PTPN1: variants seen among roughly 807,000 people sequenced by gnomAD.
PTPN1 encodes protein tyrosine phosphatase non-receptor type 1, also known as tyrosine-protein phosphatase non-receptor type 1.
In PTPN1, 12 loss-of-function variants were observed where a neutral mutation model predicts 59.9. That is an observed-to-expected ratio of 0.20 (90% confidence interval 0.13 to 0.32). The LOEUF is 0.32. Among genes scored for constraint, PTPN1 ranks in the 10% least tolerant of loss-of-function variants. PTPN1 has a pLI of 1.00. For synonymous variants in PTPN1, 178 were observed against 203.6 expected (o/e 0.87, Z 1.07); for missense variants, 356 against 549.2 (o/e 0.65, Z 3.52).
At chr20:50,536,783 T>C (rs1372037330) in intron 1 of PTPN1, among the ~76,000 whole-genome samples, 1 of 152,226 alleles carries the variant, frequency 6.6e-6, no homozygotes, top group Non-Finnish European at 1.5e-5. Flanking sequence ...TCCTTGAGAT[T>C]TTATAAAATA....
Position 50,540,661 on chromosome 20 carries a change from A to G in PTPN1, c.64-20702A>G, listed in dbSNP as rs1483283391. Among the ~76,000 whole-genome samples, 5 of 152,314 alleles carry G rather than the reference A, an allele frequency of 3.3e-5. No homozygotes were observed. In the East Asian group the frequency reaches 9.7e-4, roughly 29 times the overall value. ...CCACCTATACTTTGGACTCAGGTAGAAAGGCAAAATATCCAGGAAATAAGC... is the reference window on the plus strand; with the variant it reads ...CCACCTATACTTTGGACTCAGGTAGGAAGGCAAAATATCCAGGAAATAAGC... On this transcript the variant is annotated intron_variant, in intron 1 of 9. Coordinates refer to ENST00000371621, the MANE Select transcript of PTPN1 (RefSeq NM_002827.4).
rs746039629 is a variant in PTPN1 at position 50,565,002 on chromosome 20, A to T, written c.188A>T (p.Asp63Val). 1.9e-6 allele frequency: 3 copies of T among 1,613,732 alleles called. No individual in the cohort carries two copies. Among genetic ancestry groups the T allele is most frequent in the Non-Finnish European group, 2.5e-6 (3 of 1,179,926 alleles). The change falls in exon 3 of 10, where the codon GAT becomes GTT. Residue 63 changes from aspartate to valine, a missense_variant. Coordinates refer to ENST00000371621, the MANE Select transcript of PTPN1 (RefSeq NM_002827.4). The part of the protein sequence containing the change: ...DHSRIKLHQE[D>V]NDYINASLIK... ...AGTCGGATTAAACTACATCAAGAAGATAATGACTATATCAACGCTAGTTTG... is the reference window on the plus strand; with the variant it reads ...AGTCGGATTAAACTACATCAAGAAGTTAATGACTATATCAACGCTAGTTTG...
chr20:50,584,633 G>A lies in PTPN1; in HGVS notation c.*1918G>A, dbSNP rs1057207. 5.3e-5 allele frequency: 8 copies of A among 150,092 alleles called. No homozygotes were observed. In the East Asian group the frequency reaches 8.0e-4, roughly 15 times the overall value. The allele number at this position is 150,092 out of a possible 1,614,324, so 9.3% of individuals were successfully genotyped here. A position where few individuals can be genotyped will look rare whatever the true frequency, so the allele number is the denominator to read the frequency against. ...TACGTGGCTGCATGACCGGGTGGGT[G>A]GGGGGGAGTGTCTCAGGGTCTTCTG... On this transcript the variant is annotated 3_prime_UTR_variant, in exon 10 of 10. Coordinates refer to ENST00000371621, the MANE Select transcript of PTPN1 (RefSeq NM_002827.4).
At chr20:50,523,154 G>A (rs2082558648) in intron 1 of PTPN1, among the ~76,000 whole-genome samples, 1 of 152,090 alleles carries the variant, frequency 6.6e-6, no homozygotes, top group African/African-American at 2.4e-5. Context: ...GGGAAGAAGA[G>A]GAAACGGGAG....
At chr20:50,575,433 C>G (rs771079650) in intron 5 of PTPN1, among the ~76,000 whole-genome samples, 1 of 152,140 alleles carries the variant, frequency 6.6e-6, no homozygotes, top group Non-Finnish European at 1.5e-5. Context: ...TCTGGGAGGT[C>G]CTATACGGGA....
chr20:50,550,376 AT>A (rs552179029), intron 1 of PTPN1, among the ~76,000 whole-genome samples: 24 of 152,302 alleles, frequency 1.6e-4, no homozygotes, highest in African/African-American at 5.8e-4. Flanking sequence ...TACCCTTGGA[AT>A]TTTTTATTCC....
chr20:50,515,229 A>G (rs1568771377), intron 1 of PTPN1, among the ~76,000 whole-genome samples: 2 of 152,180 alleles, frequency 1.3e-5, no homozygotes, highest in Admixed American at 6.5e-5. Context: ...TAGCCAGACA[A>G]GAAAGGGCAG....
chr20:50,543,322 A>T (rs1475532292), intron 1 of PTPN1, among the ~76,000 whole-genome samples: 1 of 152,254 alleles, frequency 6.6e-6, no homozygotes, highest in Non-Finnish European at 1.5e-5. Flanking sequence ...AGGTTTTAAA[A>T]ATTCCGTATA....
chr20:50,536,732 C>A (rs2082625510), intron 1 of PTPN1, among the ~76,000 whole-genome samples: 1 of 152,052 alleles, frequency 6.6e-6, no homozygotes, highest in Non-Finnish European at 1.5e-5. Flanking sequence ...ACTTAGAATC[C>A]TGTAATTTGT....
chr20:50,545,743 C>T (rs1035986814), intron 1 of PTPN1, among the ~76,000 whole-genome samples: 17 of 152,004 alleles, frequency 1.1e-4, no homozygotes, highest in African/African-American at 3.6e-4. Context: ...TGGCTGAGCT[C>T]GGTGGCTCAC....
intron 1 of PTPN1, among the ~76,000 whole-genome samples, chr20:50,546,901 C>T (rs1015762705): frequency 1.2e-4 from 19 of 152,174 alleles, no homozygotes; most frequent in African/African-American, 3.6e-4. Context: ...CACTGTCCTC[C>T]GGCAAACAGC....
At chr20:50,569,808 A>C (rs1285750214) in intron 4 of PTPN1, among the ~76,000 whole-genome samples, 2 of 152,132 alleles carry the variant, frequency 1.3e-5, no homozygotes, top group African/African-American at 4.8e-5. Context: ...TGTGTAGACC[A>C]TCCCATTTAG....
chr20:50,546,847 C>T (rs1245380628), intron 1 of PTPN1, among the ~76,000 whole-genome samples: 3 of 152,236 alleles, frequency 2.0e-5, no homozygotes, highest in African/African-American at 7.2e-5. Flanking sequence ...GAGCCTTCCA[C>T]TTGCAGATGT....
At chr20:50,576,631 G>A (rs1445309759) in intron 5 of PTPN1, among the ~76,000 whole-genome samples, 1 of 152,068 alleles carries the variant, frequency 6.6e-6, no homozygotes, top group Non-Finnish European at 1.5e-5. Flanking sequence ...CACTTTGAGG[G>A]GCTGAGGTGG....
chr20:50,566,737 C>T (rs114929386), intron 3 of PTPN1, among the ~76,000 whole-genome samples: 67 of 152,274 alleles, frequency 4.4e-4, no homozygotes, highest in African/African-American at 1.5e-3. Context: ...CGTGCAGTGT[C>T]AGCTAAGTGT....
chr20:50,525,145 C>T (rs2082568903), intron 1 of PTPN1, among the ~76,000 whole-genome samples: 1 of 152,014 alleles, frequency 6.6e-6, no homozygotes, highest in Admixed American at 6.5e-5. Flanking sequence ...CTGCAACCTC[C>T]GCCTCCCAGG....
At chr20:50,560,781 G>C (rs1389501784) in intron 1 of PTPN1, among the ~76,000 whole-genome samples, 2 of 152,000 alleles carry the variant, frequency 1.3e-5, no homozygotes, top group African/African-American at 4.8e-5. Context: ...ACAAATAAAA[G>C]ATTGTTTAAT....
In PTPN1 at chr20:50,579,824, C is replaced by G; in HGVS notation, c.986C>G (p.Pro329Arg). The change falls in exon 8 of 10, where the codon CCA becomes CGA. Residue 329 changes from proline to arginine, a missense_variant. Around this residue, in one of 3 missense-constraint regions of PTPN1, gnomAD observed 100 missense variants for 107.7 expected, o/e 0.93. Transcript: ENST00000371621. ...PHNGKCREFFPNHQWVKEETQ... is the reference protein window; with the variant it reads ...PHNGKCREFFRNHQWVKEETQ... ...AATGGGAAATGCAGGGAGTTCTTCCCAAATCACCAGTGGGTGAAGGAAGAG... is the reference window on the plus strand; with the variant it reads ...AATGGGAAATGCAGGGAGTTCTTCCGAAATCACCAGTGGGTGAAGGAAGAG... The G allele has an allele frequency of 6.2e-7, 1 of 1,614,138 alleles. No individual in the cohort carries two copies. The highest frequency in any genetic ancestry group is 1.1e-5 in the South Asian group (1 of 91,074).
At chr20:50,519,418 C>T (rs1486249293) in intron 1 of PTPN1, among the ~76,000 whole-genome samples, 2 of 152,174 alleles carry the variant, frequency 1.3e-5, no homozygotes, top group East Asian at 1.9e-4. Flanking sequence ...TTCCACTACT[C>T]GAATGGTAAC....
Sources: allele counts gnomAD v4.1 joint callset (sites outside exome capture counted in the v4.1 genomes callset), GRCh38; gene constraint gnomAD v4.1.1; regional missense constraint gnomAD v4.1.1; transcripts MANE v1.5; gene names NCBI Gene and HGNC (gene_info 2026-07-23, HGNC 2026-07-21).